SLIT1: variants seen among roughly 807,000 people sequenced by gnomAD.
The protein encoded by SLIT1 is slit homolog 1 protein.
SLIT1 carries 66 observed loss-of-function variants against 186.1 expected under a neutral mutation model. That is an observed-to-expected ratio of 0.35 (90% CI 0.29 to 0.44). The LOEUF (loss-of-function observed/expected upper bound fraction) is 0.44, where lower values mean the gene tolerates loss of function less well. Ranked by LOEUF, SLIT1 falls within the 20% of genes least tolerant of loss-of-function variation. The probability of loss-of-function intolerance (pLI) is 1.00; values close to 1 mark genes in which losing one functional copy is unlikely to be tolerated. For synonymous variants in SLIT1, 761 were observed against 833.8 expected, an observed-to-expected ratio of 0.91 and a Z score of 1.50; for missense variants, 1,638 against 2,037.4, an observed-to-expected ratio of 0.80 and a Z score of 3.77.
chr10:97,029,842 T>A (rs563780688), intron 25 of SLIT1, among the ~76,000 whole-genome samples: 1 of 152,348 alleles, frequency 6.6e-6, no homozygotes, highest in South Asian at 2.1e-4. Context: ...TCTCTATGAA[T>A]TTGACTGTTC....
At chr10:97,003,257 C>T (rs1848328430) in intron 34 of SLIT1, among the ~76,000 whole-genome samples, 1 of 152,208 alleles carries the variant, frequency 6.6e-6, no homozygotes, top group African/African-American at 2.4e-5. Context: ...CTCTGAGGTG[C>T]CTGTTCCTAA....
chr10:97,089,498 C>T (rs376268548), intron 4 of SLIT1, among the ~76,000 whole-genome samples: 4 of 152,286 alleles, frequency 2.6e-5, no homozygotes, highest in African/African-American at 9.6e-5. Flanking sequence ...TTGCCCATGG[C>T]TGGAGGTGTC....
At chr10:97,031,583 G>A in intron 24 of SLIT1, 23 bp downstream of exon 24, 1 of 1,544,388 alleles carries the variant, frequency 6.5e-7, no homozygotes, top group Non-Finnish European at 8.8e-7. Flanking sequence ...TTTTCTGGCA[G>A]GATGGTGAGT....
intron 4 of SLIT1, among the ~76,000 whole-genome samples, chr10:97,146,564 C>G (rs938364727): frequency 1.3e-5 from 2 of 151,986 alleles, no homozygotes; most frequent in Non-Finnish European, 2.9e-5. Flanking sequence ...CCCCAGCCCC[C>G]CCCACTGAAC....
At chr10:97,142,991 G>A (rs890643256) in intron 4 of SLIT1, among the ~76,000 whole-genome samples, 7 of 152,186 alleles carry the variant, frequency 4.6e-5, no homozygotes, top group African/African-American at 1.4e-4. Context: ...ACAAGTGTTG[G>A]CAAGGATGTG....
At chr10:97,120,192 G>T (rs963370771) in intron 4 of SLIT1, among the ~76,000 whole-genome samples, 8 of 151,940 alleles carry the variant, frequency 5.3e-5, no homozygotes, top group African/African-American at 1.9e-4. Flanking sequence ...GTCAGATTCA[G>T]CCCAGGGTTG....
chr10:97,056,739 A>T (rs1848840340), intron 12 of SLIT1, among the ~76,000 whole-genome samples: 1 of 147,298 alleles, frequency 6.8e-6, no homozygotes, highest in African/African-American at 2.6e-5. Context: ...GAAAGCAGAG[A>T]GCCACCTTGT....
rs1231902211 is a variant in SLIT1 at position 97,059,576 on chromosome 10, A to G, written c.1014-45T>C. 4 of 1,458,672 alleles carry G rather than the reference A, an allele frequency of 2.7e-6. No individual in the cohort carries two copies. The Admixed American group carries it at 6.7e-5, about 24-fold the overall frequency. The allele number at this position is 1,458,672 out of a possible 1,614,324, so 90.4% of individuals were successfully genotyped here. A position where few individuals can be genotyped will look rare whatever the true frequency, so the allele number is the denominator to read the frequency against. On this transcript the variant is annotated intron_variant, in intron 10 of 36. Transcript: ENST00000266058. Reference sequence around the variant, plus strand: ...AGAGGGGGCATCTGAATCCCTCAACAGCCACTAAGCCCTGCCCAGTCCCCT... The same window carrying G: ...AGAGGGGGCATCTGAATCCCTCAACGGCCACTAAGCCCTGCCCAGTCCCCT...
At chr10:97,166,623 G>GAAAGAAGAAA (rs3979552) in intron 1 of SLIT1, among the ~76,000 whole-genome samples, 5 of 42,678 alleles carry the variant, frequency 1.2e-4, no homozygotes, top group African/African-American at 4.8e-4. Context: ...AAGAAAGAAA[G>GAAAGAAGAAA]AGAAAAGAAA....
At chr10:97,163,339 C>T (rs1382945462) in intron 3 of SLIT1, 41 bp downstream of exon 3, 2 of 1,573,950 alleles carry the variant, frequency 1.3e-6, no homozygotes, top group South Asian at 1.1e-5. Context: ...CCTCTCGTGC[C>T]AGCCCCCCGC....
At chr10:97,161,128 C>T (rs1205420499) in intron 3 of SLIT1, among the ~76,000 whole-genome samples, 1 of 152,228 alleles carries the variant, frequency 6.6e-6, no homozygotes, top group Admixed American at 6.5e-5. Flanking sequence ...GAACTGACCA[C>T]TCAGGAAGGT....
At chr10:97,168,361 ACT>A (rs1850146663) in intron 1 of SLIT1, among the ~76,000 whole-genome samples, 1 of 152,170 alleles carries the variant, frequency 6.6e-6, no homozygotes, top group South Asian at 2.1e-4. Context: ...CTAAGAAATA[ACT>A]CTTATTAATG....
intron 6 of SLIT1, 88 bp from the exon 7 acceptor site, chr10:97,064,327 C>T (rs1045266186): frequency 3.7e-5 from 41 of 1,096,616 alleles, no homozygotes; most frequent in Middle Eastern, 3.9e-4. Context: ...CAGGGAGGCT[C>T]TCGACCTTAA....
rs966848874 is a variant in SLIT1, at chr10:97,043,051, G to A, written c.2014C>T (p.Pro672Ser). 5 of 1,614,076 alleles carry A rather than the reference G, an allele frequency of 3.1e-6. No homozygotes were observed. The South Asian group carries it at 4.4e-5, about 14-fold the overall frequency. The change falls in exon 20 of 37, where the codon CCT becomes TCT. Residue 672 changes from proline to serine, a missense_variant. By Grantham distance (74) the Pro-to-Ser change is moderately conservative. Transcript: ENST00000266058. The surrounding 1 kb of genome is among the most constrained non-coding windows in gnomAD (Gnocchi z 7.0). ...SLSTLNLLAN[P>S]FNCNCQLAWL... is the part of the protein sequence containing the mutation. The stretch of plus-strand genomic sequence containing the variant: ...GCCAGCTGGCAGTTGCAGTTGAAAG[G>A]GTTGGCCAGGAGATTCCTGGAAGAG...
At chr10:97,086,936 T>C (rs1307930320) in intron 4 of SLIT1, among the ~76,000 whole-genome samples, 7 of 152,062 alleles carry the variant, frequency 4.6e-5, no homozygotes, top group African/African-American at 1.7e-4. Flanking sequence ...AACATAGATG[T>C]ATTGATTATG....
chr10:97,056,431 C>A lies in SLIT1; in HGVS notation c.1191G>T (p.Arg397=), dbSNP rs112427919. 5.0e-6 allele frequency: 8 copies of A among 1,614,164 alleles called. No individual in the cohort carries two copies. The African/African-American group carries it at 8.0e-5, about 16-fold the overall frequency. Reference sequence around the variant, plus strand: ...TCTGCAGGTCCTGGAAGGCATCGGGCCGGATGCAGTTGATCTTGTTGGCAT... The same window carrying A: ...TCTGCAGGTCCTGGAAGGCATCGGGACGGATGCAGTTGATCTTGTTGGCAT... ...LLNANKINCI[R]PDAFQDLQNL... is the part of the protein sequence containing the mutation. The change falls in exon 13 of 37, where the codon CGG becomes CGT. Residue 397 remains arginine, a synonymous_variant. Coordinates refer to ENST00000266058, the MANE Select transcript of SLIT1 (RefSeq NM_003061.3).
intron 3 of SLIT1, among the ~76,000 whole-genome samples, chr10:97,160,814 G>A (rs1036545933): frequency 2.0e-5 from 3 of 152,108 alleles, no homozygotes; most frequent in East Asian, 3.8e-4. Context: ...TCCGCCTCCC[G>A]GGTTCAAGTG....
intron 4 of SLIT1, among the ~76,000 whole-genome samples, chr10:97,089,369 G>C (rs1849204352): frequency 6.6e-6 from 1 of 151,402 alleles, no homozygotes; most frequent in Non-Finnish European, 1.5e-5. Flanking sequence ...GTGAGTCCCT[G>C]TCGCACCTGA....
rs745354455 is a variant in SLIT1, at chr10:97,030,681, A to C, written c.2582+76T>G. 349 of 1,182,206 alleles carry C rather than the reference A, an allele frequency of 3.0e-4. 1 individual carries two copies. The highest frequency in any genetic ancestry group is 4.1e-4 in the Non-Finnish European group (326 of 795,750). The allele number at this position is 1,182,206 out of a possible 1,614,324, so 73.2% of individuals were successfully genotyped here. On this transcript the variant is annotated intron_variant, in intron 25 of 36. Coordinates refer to ENST00000266058, the MANE Select transcript of SLIT1 (RefSeq NM_003061.3). ...AAAAGCAACAAACTCTGACAATCTC[A>C]GGAGGTGGGATCTTCTCAGAAACCA...
Sources: gnomAD v4.1 joint callset for allele counts (sites outside exome capture counted in the v4.1 genomes callset) on GRCh38, gnomAD v4.1.1 for gene constraint, Gnocchi (gnomAD v3.1) non-coding constraint, MANE v1.5 for transcripts, NCBI Gene and HGNC (gene_info 2026-07-23, HGNC 2026-07-21) for gene names.